DCC: variants seen among roughly 807,000 people sequenced by gnomAD.
DCC encodes DCC netrin 1 receptor, also known as netrin receptor DCC.
Under a neutral mutation model 172.5 loss-of-function variants are expected in DCC, and 58 were observed. That is an observed-to-expected ratio of 0.34 (90% CI 0.27 to 0.42). DCC has a LOEUF of 0.42. Among genes scored for constraint, DCC ranks in the 10% least tolerant of loss-of-function variants. The pLI is 1.00. For missense variants in DCC, 1,740 were observed against 1,791.0 expected, an observed-to-expected ratio of 0.97 and a Z score of 0.51; for synonymous variants, 709 against 644.5, an observed-to-expected ratio of 1.10 and a Z score of -1.52.
chr18:52,367,056 G>A (rs1387498427), intron 1 of DCC, among the ~76,000 whole-genome samples: 19 of 152,222 alleles, frequency 1.2e-4, no homozygotes, highest in Admixed American at 1.2e-3. Flanking sequence ...CCCGCGGGAA[G>A]GCAGCTAAGG....
At chr18:53,214,864 A>G (rs1304371787) in intron 11 of DCC, among the ~76,000 whole-genome samples, 1 of 152,170 alleles carries the variant, frequency 6.6e-6, no homozygotes, top group African/African-American at 2.4e-5. Flanking sequence ...AGAGAGCTGT[A>G]TATGTTCTTC....
At chr18:52,420,183 A>G (rs1987200040) in intron 1 of DCC, among the ~76,000 whole-genome samples, 1 of 152,222 alleles carries the variant, frequency 6.6e-6, no homozygotes, top group Non-Finnish European at 1.5e-5. Flanking sequence ...GATGTTGCAT[A>G]GATTGGGGAA....
intron 24 of DCC, among the ~76,000 whole-genome samples, chr18:53,461,581 C>T (rs1278295929): frequency 6.6e-6 from 1 of 152,132 alleles, no homozygotes; most frequent in African/African-American, 2.4e-5. Flanking sequence ...TGTCAAAGAT[C>T]ACATAGTTGT....
In DCC at chr18:52,568,726, C is replaced by T. The variant is rs11874440; in HGVS notation, c.92-183328C>T. On this transcript the variant is annotated intron_variant, in intron 1 of 28. Transcript: ENST00000442544. ...CCCACACTTCTCATTTAGATGTACC[C>T]ATAGACAAAAAGCACAGGTGAGCTG... 2.4e-3 allele frequency among the ~76,000 whole-genome samples: 372 copies of T among 152,176 alleles called. 3 individuals carry two copies. The highest frequency in any genetic ancestry group is 8.4e-3 in the African/African-American group (350 of 41,516).
At chr18:53,290,155 T>C (rs990433074) in intron 12 of DCC, among the ~76,000 whole-genome samples, 2 of 152,174 alleles carry the variant, frequency 1.3e-5, no homozygotes, top group Non-Finnish European at 2.9e-5. Flanking sequence ...AATCATACTA[T>C]TGGTCTATCA....
intron 7 of DCC, among the ~76,000 whole-genome samples, chr18:53,155,587 GT>G (rs1366516954): frequency 1.3e-5 from 2 of 152,204 alleles, no homozygotes; most frequent in African/African-American, 4.8e-5. Context: ...TGAAAAGACA[GT>G]TTTTTAATTG....
chr18:52,535,742 G>T (rs1262674826), intron 1 of DCC, among the ~76,000 whole-genome samples: 1 of 152,098 alleles, frequency 6.6e-6, no homozygotes, highest in Non-Finnish European at 1.5e-5. Flanking sequence ...TATATTCTGA[G>T]AAAACTGATG....
At chr18:52,605,068 T>G (rs1050429543) in intron 1 of DCC, among the ~76,000 whole-genome samples, 1 of 152,106 alleles carries the variant, frequency 6.6e-6, no homozygotes, top group African/African-American at 2.4e-5. Flanking sequence ...ATTTAATAGC[T>G]ATATCATGGT....
intron 20 of DCC, among the ~76,000 whole-genome samples, chr18:53,414,810 T>G (rs895215338): frequency 2.0e-5 from 3 of 152,202 alleles, no homozygotes; most frequent in Non-Finnish European, 2.9e-5. Context: ...ATTGCACCAC[T>G]GCACTCCAGC....
chr18:52,744,124 A>G (rs2036870474), intron 1 of DCC, among the ~76,000 whole-genome samples: 1 of 151,760 alleles, frequency 6.6e-6, no homozygotes, highest in Admixed American at 6.6e-5. Flanking sequence ...GATTTTGAGT[A>G]AATAACAAAT....
intron 12 of DCC, among the ~76,000 whole-genome samples, chr18:53,246,768 G>A (rs1420040057): frequency 2.1e-4 from 32 of 152,020 alleles, no homozygotes; most frequent in Admixed American, 2.1e-3. Flanking sequence ...GAATTGCATG[G>A]TATGTTTTTA....
chr18:53,039,098 G>A (rs927304679), intron 5 of DCC, among the ~76,000 whole-genome samples: 2 of 152,068 alleles, frequency 1.3e-5, no homozygotes, highest in East Asian at 3.9e-4. Flanking sequence ...AGTTTTAGAA[G>A]CTGCTGGATA....
chr18:52,758,599 T>C (rs948069856), intron 2 of DCC, among the ~76,000 whole-genome samples: 2 of 151,972 alleles, frequency 1.3e-5, no homozygotes, highest in African/African-American at 2.4e-5. Context: ...AAGCATATTA[T>C]GGTGAGAGAA....
At chr18:52,431,658 A>C (rs1987628674) in intron 1 of DCC, among the ~76,000 whole-genome samples, 1 of 152,126 alleles carries the variant, frequency 6.6e-6, no homozygotes, top group African/African-American at 2.4e-5. Context: ...CTCAGTGAAC[A>C]CCCCTGCAAC....
At chr18:52,731,562 C>T (rs2145094816) in intron 1 of DCC, among the ~76,000 whole-genome samples, 1 of 152,284 alleles carries the variant, frequency 6.6e-6, no homozygotes, top group Non-Finnish European at 1.5e-5. Flanking sequence ...CATATACAAG[C>T]ATTTCTGCAT....
At chr18:52,868,053 ATG>A (rs1555675518) in intron 2 of DCC, among the ~76,000 whole-genome samples, 4,727 of 144,268 alleles carry the variant, frequency 0.033, 213 homozygotes, top group African/African-American at 0.11. Context: ...ATATATATAT[ATG>A]TGTGTGTGTG....
Position 52,907,092 on chromosome 18 carries a change from C to A in DCC, c.697+764C>A, listed in dbSNP as rs117764489. Among the ~76,000 whole-genome samples the A allele has an allele frequency of 4.3e-3, 650 of 151,328 alleles. 1 individual carries two copies. The highest frequency in any genetic ancestry group is 6.4e-3 in the Non-Finnish European group (435 of 67,802). Reference sequence around the variant, plus strand: ...ACAGAAGCAAAGCTAGCATTTATTCCCAGCACATACATGCATCTATTTACA... The same window carrying A: ...ACAGAAGCAAAGCTAGCATTTATTCACAGCACATACATGCATCTATTTACA... On this transcript the variant is annotated intron_variant, in intron 3 of 28. Transcript: ENST00000442544.
intron 8 of DCC, among the ~76,000 whole-genome samples, chr18:53,158,988 C>CAAAAAAAAAAAAAA (rs558049091): frequency 4.8e-4 from 25 of 52,356 alleles, no homozygotes; most frequent in African/African-American, 1.4e-3. Context: ...GACGCCATCT[C>CAAAAAAAAAAAAAA]AAAAAAAAAA....
intron 7 of DCC, among the ~76,000 whole-genome samples, chr18:53,136,419 G>A (rs569802026): frequency 1.1e-4 from 16 of 152,114 alleles, no homozygotes; most frequent in African/African-American, 3.4e-4. Context: ...GATTTCTAAA[G>A]TATTGAGCTT....
Sources: allele counts gnomAD v4.1 joint callset (sites outside exome capture counted in the v4.1 genomes callset), GRCh38; gene constraint gnomAD v4.1.1; transcripts MANE v1.5; gene names NCBI Gene and HGNC (gene_info 2026-07-23, HGNC 2026-07-21).